TLN2: variants seen among roughly 807,000 people sequenced by gnomAD.
TLN2 encodes talin-2.
A neutral mutation model predicts 294.7 loss-of-function variants in TLN2; 118 were observed. The ratio of observed to expected loss-of-function variants is 0.40; its 90% CI spans 0.34 to 0.47. The LOEUF (loss-of-function observed/expected upper bound fraction) is 0.47. TLN2 is among the 20% of genes least tolerant of loss of function. The pLI, the probability that TLN2 is intolerant of heterozygous loss-of-function variation, is 0.84. For synonymous variants in TLN2, 1,431 were observed against 1,304.5 expected, an observed-to-expected ratio of 1.10 and a Z score of -2.09; for missense variants, 3,083 against 3,282.2, an observed-to-expected ratio of 0.94 and a Z score of 1.48.
chr15:62,768,117 G>C (rs893940878), intron 41 of TLN2, among the ~76,000 whole-genome samples: 2 of 152,158 alleles, frequency 1.3e-5, no homozygotes, highest in African/African-American at 2.4e-5. Flanking sequence ...TGCAGTGCTC[G>C]TGTGGGGCCC....
At chr15:62,619,980 A>G (rs1312208776) in intron 3 of TLN2, among the ~76,000 whole-genome samples, 3 of 151,828 alleles carry the variant, frequency 2.0e-5, no homozygotes, top group Non-Finnish European at 4.4e-5. Flanking sequence ...TCTAGGTTTT[A>G]TTTTTATTTT....
At position 62,749,388 on chromosome 15, in the gene TLN2, A is replaced by G. The variant is rs373916329; in HGVS notation, c.4119+944A>G. Among the ~76,000 whole-genome samples, 7 of 152,256 alleles carry G rather than the reference A, an allele frequency of 4.6e-5. No individual in the cohort carries two copies. In the East Asian group the frequency reaches 1.3e-3, roughly 29 times the overall value. On this transcript the variant is annotated intron_variant, in intron 33 of 58. Coordinates refer to ENST00000636159, the MANE Select transcript of TLN2 (RefSeq NM_015059.3). Reference sequence around the variant, plus strand: ...TTCACATTTGCAAATATAAATATGTAGGTTGTTGATCTAAATGAGCTCTGT... The same window carrying G: ...TTCACATTTGCAAATATAAATATGTGGGTTGTTGATCTAAATGAGCTCTGT...
Position 62,840,734 on chromosome 15 carries a change from C to T in TLN2, c.*124C>T. Reference sequence around the variant, plus strand: ...CTCCCTCCCGGGTGAGCCTGGAGCCCTGCGTGCTTGTTCTCACATCTCTGT... The same window carrying T: ...CTCCCTCCCGGGTGAGCCTGGAGCCTTGCGTGCTTGTTCTCACATCTCTGT... On this transcript the variant is annotated 3_prime_UTR_variant, in exon 59 of 59. Transcript: ENST00000636159. 7.4e-7 allele frequency: 1 copy of T among 1,358,090 alleles called. No individual in the cohort carries two copies. The highest frequency in any genetic ancestry group is 9.9e-7 in the Non-Finnish European group (1 of 1,014,488). 84.1% of individuals were successfully genotyped at this position (1,358,090 alleles called of 1,614,324 possible). A position where few individuals can be genotyped will look rare whatever the true frequency, so the allele number is the denominator to read the frequency against.
chr15:62,509,420 T>G (rs978753814), intron 1 of TLN2, among the ~76,000 whole-genome samples: 1 of 152,232 alleles, frequency 6.6e-6, no homozygotes, highest in African/African-American at 2.4e-5. Flanking sequence ...TCTAAGTGTT[T>G]ATCGTGTGAT....
rs376132332 is a variant in TLN2 at position 62,430,947 on chromosome 15, T to A, written c.-238+40262T>A. 5.2e-4 allele frequency among the ~76,000 whole-genome samples: 48 copies of A among 91,606 alleles called. 3 individuals carry two copies. The South Asian group carries it at 8.3e-3, about 16-fold the overall frequency. The allele number at this position is 91,606 out of a possible 152,430, so 60.1% of individuals were successfully genotyped here. A position where few individuals can be genotyped will look rare whatever the true frequency, so the allele number is the denominator to read the frequency against. Reference sequence around the variant, plus strand: ...AACAGGAAAAGCCAAAAAAAAAAAATACACAAAAACACCCAGCTCCTTCCA... The same window carrying A: ...AACAGGAAAAGCCAAAAAAAAAAAAAACACAAAAACACCCAGCTCCTTCCA... On this transcript the variant is annotated intron_variant, in intron 1 of 58. Transcript: ENST00000636159.
chr15:62,825,930 G>A (rs1442075445), intron 54 of TLN2, among the ~76,000 whole-genome samples: 4 of 137,178 alleles, frequency 2.9e-5, no homozygotes, highest in Non-Finnish European at 6.0e-5. Context: ...CTACTCAGGA[G>A]GCTGAGAATC....
intron 45 of TLN2, among the ~76,000 whole-genome samples, chr15:62,790,257 CATAAAG>C (rs2064984904): frequency 6.6e-6 from 1 of 152,132 alleles, no homozygotes; most frequent in Non-Finnish European, 1.5e-5. Flanking sequence ...CATTTTAACT[CATAAAG>C]GAAGAGTATA....
At chr15:62,496,085 G>T (rs991204661) in intron 1 of TLN2, among the ~76,000 whole-genome samples, 3 of 152,212 alleles carry the variant, frequency 2.0e-5, no homozygotes, top group Non-Finnish European at 2.9e-5. Context: ...AAAGGGTCAG[G>T]GTGGATTCTA....
At chr15:62,570,917 G>GTGTGTT (rs1209908320) in intron 1 of TLN2, among the ~76,000 whole-genome samples, 7 of 150,402 alleles carry the variant, frequency 4.7e-5, no homozygotes, top group African/African-American at 1.7e-4. Flanking sequence ...GTGTGTGTGT[G>GTGTGTT]TGTGTGTGTG....
At chr15:62,581,031 C>A (rs937053483) in intron 1 of TLN2, among the ~76,000 whole-genome samples, 2 of 151,852 alleles carry the variant, frequency 1.3e-5, no homozygotes, top group East Asian at 1.9e-4. Flanking sequence ...TTACAGGCGC[C>A]CACCACCATG....
chr15:62,790,608 C>G (rs1442795093), intron 45 of TLN2, among the ~76,000 whole-genome samples: 1 of 152,154 alleles, frequency 6.6e-6, no homozygotes, highest in Non-Finnish European at 1.5e-5. Flanking sequence ...GCACTTTATC[C>G]TTTAAAGATC....
intron 1 of TLN2, among the ~76,000 whole-genome samples, chr15:62,541,773 G>A (rs2041704208): frequency 6.6e-6 from 1 of 152,014 alleles, no homozygotes; most frequent in Non-Finnish European, 1.5e-5. Flanking sequence ...ATATACAACA[G>A]TAAAGTATGT....
intron 2 of TLN2, among the ~76,000 whole-genome samples, chr15:62,614,629 T>C (rs1028074446): frequency 3.3e-5 from 5 of 152,220 alleles, no homozygotes; most frequent in Admixed American, 6.5e-5. Flanking sequence ...AATAGACTTA[T>C]AATTAGTGCT....
chr15:62,584,476 T>C (rs2045417483), intron 1 of TLN2, among the ~76,000 whole-genome samples: 1 of 152,222 alleles, frequency 6.6e-6, no homozygotes, highest in South Asian at 2.1e-4. Flanking sequence ...GGTCCTTGGG[T>C]GTTGACGCTG....
At chr15:62,710,720 CTTTTTTTTT>C (rs71287048) in intron 21 of TLN2, among the ~76,000 whole-genome samples, 3 of 77,074 alleles carry the variant, frequency 3.9e-5, no homozygotes, top group African/African-American at 1.4e-4. Flanking sequence ...TGCTGATGTC[CTTTTTTTTT>C]TTTTTTTTTT....
chr15:62,771,118 G>T lies in TLN2; in HGVS notation c.5351G>T (p.Gly1784Val). The T allele has an allele frequency of 6.2e-7, 1 of 1,610,192 alleles. No homozygotes were observed. The highest frequency in any genetic ancestry group is 1.3e-5 in the African/African-American group (1 of 74,938). ...ALQMLYAAKEGGGNPKAQHTH... is the reference protein window; with the variant it reads ...ALQMLYAAKEVGGNPKAQHTH... ...CAGATGTTGTATGCAGCCAAAGAAG[G>T]TGGCGGAAACCCCAAGGTATGGTCC... Residue 1784 changes from glycine (G) to valine (V), a missense_variant, in exon 42 of 59, where the codon GGT becomes GTT. Transcript: ENST00000636159.
At chr15:62,817,373 A>T (rs1013169568) in intron 52 of TLN2, among the ~76,000 whole-genome samples, 1 of 152,212 alleles carries the variant, frequency 6.6e-6, no homozygotes, top group African/African-American at 2.4e-5. Context: ...AATGATATAT[A>T]TATAGGCCCT....
At chr15:62,449,512 C>T (rs572485101) in intron 1 of TLN2, among the ~76,000 whole-genome samples, 69 of 152,186 alleles carry the variant, frequency 4.5e-4, no homozygotes, top group African/African-American at 1.2e-3. Context: ...CACTGTCCTC[C>T]GAGTGCCAAA....
At chr15:62,417,349 G>C (rs2034141117) in intron 1 of TLN2, among the ~76,000 whole-genome samples, 1 of 152,118 alleles carries the variant, frequency 6.6e-6, no homozygotes. Context: ...CTTCGTTTCT[G>C]GGCTATCTCT....
Sources: allele counts gnomAD v4.1 joint callset (sites outside exome capture counted in the v4.1 genomes callset), GRCh38; gene constraint gnomAD v4.1.1; transcripts MANE v1.5; gene names NCBI Gene and HGNC (gene_info 2026-07-23, HGNC 2026-07-21).